SS18L1: variants seen among roughly 807,000 people sequenced by gnomAD.
SS18L1 encodes the protein calcium-responsive transactivator.
A neutral mutation model predicts 70.3 loss-of-function variants in SS18L1; 32 were observed. That is an observed-to-expected ratio of 0.46 (90% CI 0.34 to 0.61). The LOEUF (loss-of-function observed/expected upper bound fraction) is 0.61. Ranked by LOEUF, SS18L1 falls within the 20% of genes least tolerant of loss-of-function variation. The pLI is 0.01. For synonymous variants in SS18L1, 237 were observed against 229.7 expected (o/e 1.03, Z -0.29); for missense variants, 430 against 542.1 (o/e 0.79, Z 2.05).
chr20:62,147,591 G>A (rs1186615829), intron 1 of SS18L1, among the ~76,000 whole-genome samples: 1 of 152,136 alleles, frequency 6.6e-6, no homozygotes, highest in Non-Finnish European at 1.5e-5. Flanking sequence ...TTCCTTGGCC[G>A]GATAATAGCA....
Position 62,152,613 on chromosome 20 carries a change from A to G in SS18L1, c.70-6059A>G, listed in dbSNP as rs547165621. Among the ~76,000 whole-genome samples the G allele has an allele frequency of 2.6e-5, 4 of 152,268 alleles. No homozygotes were observed. The East Asian group carries it at 7.7e-4, about 29-fold the overall frequency. ...ACAGTGTCTGCAGAAGACAGCAGTA[A>G]ATACAGAAGATCTAGAACGCTCCAG... is the stretch of plus-strand genomic sequence containing the variant. On this transcript the variant is annotated intron_variant, in intron 1 of 10. Transcript: ENST00000331758.
chr20:62,147,697 G>C (rs2057056051), intron 1 of SS18L1, among the ~76,000 whole-genome samples: 1 of 152,160 alleles, frequency 6.6e-6, no homozygotes, highest in South Asian at 2.1e-4. Context: ...GGAGCTGAGA[G>C]GAGGTGGGCC....
intron 10 of SS18L1, among the ~76,000 whole-genome samples, chr20:62,178,282 A>C (rs2057656313): frequency 6.7e-6 from 1 of 149,364 alleles, no homozygotes; most frequent in Admixed American, 6.7e-5. Flanking sequence ...AGTAGCTGGG[A>C]TTACAGGCAC....
chr20:62,152,463 C>CAAA (rs2057151210), intron 1 of SS18L1, among the ~76,000 whole-genome samples: 1 of 152,182 alleles, frequency 6.6e-6, no homozygotes. Context: ...CAGTGCTTTC[C>CAAA]CGGTGGCGTC....
chr20:62,167,097 G>A (rs1479013861), intron 8 of SS18L1, among the ~76,000 whole-genome samples: 2 of 138,240 alleles, frequency 1.4e-5, no homozygotes, highest in Non-Finnish European at 3.1e-5. Flanking sequence ...CGAGGCTGGA[G>A]TGCAGTGGTA....
intron 1 of SS18L1, among the ~76,000 whole-genome samples, chr20:62,156,860 T>C (rs534261967): frequency 1.3e-5 from 2 of 152,350 alleles, no homozygotes; most frequent in Non-Finnish European, 2.9e-5. Flanking sequence ...CTCCTAGGGC[T>C]GAGTGACCCA....
intron 10 of SS18L1, among the ~76,000 whole-genome samples, chr20:62,175,607 CTG>C (rs2057607192): frequency 6.6e-6 from 1 of 152,158 alleles, no homozygotes; most frequent in African/African-American, 2.4e-5. Flanking sequence ...GGAAGTGGCT[CTG>C]TGTTGGTGAC....
chr20:62,168,156 G>T (rs6121524), intron 8 of SS18L1, among the ~76,000 whole-genome samples: 71 of 151,854 alleles, frequency 4.7e-4, no homozygotes, highest in African/African-American at 1.5e-3. Context: ...TGTGGGTTAG[G>T]TACTCTTGCC....
intron 1 of SS18L1, among the ~76,000 whole-genome samples, chr20:62,146,979 A>T (rs954489908): frequency 1.3e-5 from 2 of 152,094 alleles, no homozygotes; most frequent in African/African-American, 4.8e-5. Context: ...GGCCTACCTT[A>T]ATCCAGCATG....
chr20:62,181,105 C>A lies in SS18L1; in HGVS notation c.*1897C>A. The A allele has an allele frequency of 5.3e-6, 1 of 190,454 alleles. No homozygotes were observed. Among genetic ancestry groups the A allele is most frequent in the East Asian group, 8.3e-5 (1 of 12,002 alleles). The allele number at this position is 190,454 out of a possible 1,614,324, so 11.8% of individuals were successfully genotyped here. A position where few individuals can be genotyped will look rare whatever the true frequency, so the allele number is the denominator to read the frequency against. On this transcript the variant is annotated 3_prime_UTR_variant, in exon 11 of 11. Transcript: ENST00000331758. ...GGACTTGCCTGTGTTGAATACCAGT[C>A]CTGTTCTAGGACATTCTCCCCTCTC...
intron 1 of SS18L1, among the ~76,000 whole-genome samples, chr20:62,156,783 G>C (rs1220715056): frequency 7.9e-5 from 12 of 152,198 alleles, no homozygotes; most frequent in Admixed American, 7.9e-4. Flanking sequence ...CAGGCAGGTG[G>C]GCTCCTCCTC....
Position 62,162,951 on chromosome 20 carries a change from A to T in SS18L1, c.556+20A>T. The T allele has an allele frequency of 6.2e-7, 1 of 1,610,274 alleles. No individual in the cohort carries two copies. On this transcript the variant is annotated intron_variant, in intron 5 of 10. Transcript: ENST00000331758. The stretch of plus-strand genomic sequence containing the variant: ...ACCCAGGTACCTACTCTGCCTCTGC[A>T]ACCCCGGGGGGCCTGGGCCTGCCTC...
In SS18L1 at chr20:62,179,342, C is replaced by A; in HGVS notation, c.*134C>A. On this transcript the variant is annotated 3_prime_UTR_variant, in exon 11 of 11. Coordinates refer to ENST00000331758, the MANE Select transcript of SS18L1 (RefSeq NM_198935.3). ...GTGCCACGTCTGCATGTGAAGCGTG[C>A]TCATTTCATGCTGGGTATGACGCCG... 2.1e-6 allele frequency: 2 copies of A among 972,024 alleles called. No individual in the cohort carries two copies. The highest frequency in any genetic ancestry group is 3.2e-6 in the Non-Finnish European group (2 of 618,864). 60.2% of individuals were successfully genotyped at this position (972,024 alleles called of 1,614,324 possible).
At position 62,161,217 on chromosome 20, in the gene SS18L1, T is replaced by A. The variant is rs1047283644; in HGVS notation, c.232-219T>A. Among the ~76,000 whole-genome samples the A allele has an allele frequency of 2.0e-5, 3 of 149,984 alleles. No homozygotes were observed. The highest frequency in any genetic ancestry group is 4.4e-5 in the Non-Finnish European group (3 of 67,652). ...TGGATGAACTTGATACTCAGTAGGGTTGTGAACGCTCACCCAGATGCTCAC... is the reference window on the plus strand; with the variant it reads ...TGGATGAACTTGATACTCAGTAGGGATGTGAACGCTCACCCAGATGCTCAC... On this transcript the variant is annotated intron_variant, in intron 3 of 10. Transcript: ENST00000331758. The surrounding 1 kb of genome is among the most constrained non-coding windows in gnomAD (Gnocchi z 4.4).
chr20:62,148,185 T>C (rs1457869650), intron 1 of SS18L1, among the ~76,000 whole-genome samples: 3 of 152,264 alleles, frequency 2.0e-5, no homozygotes, highest in Non-Finnish European at 4.4e-5. Flanking sequence ...GAGCCTGGGC[T>C]CAGCCCCGGG....
At position 62,180,527 on chromosome 20, in the gene SS18L1, C is replaced by T. The variant is rs971015328; in HGVS notation, c.*1319C>T. 5.5e-6 allele frequency: 1 copy of T among 180,332 alleles called. No individual in the cohort carries two copies. The highest frequency in any genetic ancestry group is 2.4e-5 in the African/African-American group (1 of 42,398). 11.2% of individuals were successfully genotyped at this position (180,332 alleles called of 1,614,324 possible). On this transcript the variant is annotated 3_prime_UTR_variant, in exon 11 of 11. Coordinates refer to ENST00000331758, the MANE Select transcript of SS18L1 (RefSeq NM_198935.3). ...ATTTCCAAGAACTACCAAGAAAATA[C>T]AAGAGATATCCAATGCTTGATATAT... is the stretch of plus-strand genomic sequence containing the variant.
At chr20:62,164,633 C>A (rs1179578418) in intron 7 of SS18L1, among the ~76,000 whole-genome samples, 1 of 152,252 alleles carries the variant, frequency 6.6e-6, no homozygotes, top group African/African-American at 2.4e-5. Context: ...GACGGCTCCA[C>A]CTGCAGCACC....
intron 3 of SS18L1, 63 bp downstream of exon 3, chr20:62,160,024 G>A (rs150951999): frequency 3.4e-4 from 506 of 1,486,820 alleles, no homozygotes; most frequent in Non-Finnish European, 4.3e-4. Flanking sequence ...GCCTAAGATC[G>A]GAATTGTGGG....
In SS18L1 at chr20:62,164,177, T is replaced by C; in HGVS notation, c.754T>C (p.Tyr252His). Reference protein sequence around the residue: ...SSQQYLGQEEYYGEQYSHSQG... With the variant: ...SSQQYLGQEEHYGEQYSHSQG... ...CCAGCAGTACCTGGGCCAGGAGGAGTACTATGGCGAGCAGTACAGCCACAG... is the reference window on the plus strand; with the variant it reads ...CCAGCAGTACCTGGGCCAGGAGGAGCACTATGGCGAGCAGTACAGCCACAG... Residue 252 changes from tyrosine to histidine, a missense_variant, in exon 7 of 11, where the codon TAC (tyrosine) becomes CAC (histidine). By Grantham distance (83) the Tyr-to-His change is moderately conservative. Transcript: ENST00000331758. 6.5e-7 allele frequency: 1 copy of C among 1,549,524 alleles called. No individual in the cohort carries two copies. Among genetic ancestry groups the C allele is most frequent in the East Asian group, 2.4e-5 (1 of 40,836 alleles).
Sources: allele counts gnomAD v4.1 joint callset (sites outside exome capture counted in the v4.1 genomes callset), GRCh38; gene constraint gnomAD v4.1.1; non-coding constraint Gnocchi (gnomAD v3.1); transcripts MANE v1.5; gene names NCBI Gene and HGNC (gene_info 2026-07-23, HGNC 2026-07-21).